Variants in ARK2C observed in about 807,000 individuals in gnomAD.
ARK2C encodes arkadia (RNF111) C-terminal like ring finger ubiquitin ligase 2C.
the ARK2C span, chr18:46,335,836 A>T: frequency 1.0e-6 from 1 of 956,428 alleles, no homozygotes; most frequent in Non-Finnish European, 1.2e-6. Context: ...GTGTGATGAT[A>T]GAATGATGAC....
At chr18:46,399,793 C>T in the ARK2C span, among the ~76,000 whole-genome samples, 2 of 152,222 alleles carry the variant, frequency 1.3e-5, no homozygotes, top group Admixed American at 6.5e-5. Flanking sequence ...CTGTGCCATC[C>T]TCCTCCCCTC....
chr18:46,401,905 A>T, the ARK2C span, among the ~76,000 whole-genome samples: 1 of 152,198 alleles, frequency 6.6e-6, no homozygotes, highest in African/African-American at 2.4e-5. Flanking sequence ...TCTGCTTTAC[A>T]CAGTGGCGCT....
chr18:46,432,588 G>C, the ARK2C span, among the ~76,000 whole-genome samples: 1 of 152,262 alleles, frequency 6.6e-6, no homozygotes, highest in Admixed American at 6.5e-5. Context: ...TAATTCAAAA[G>C]GCCAAGCTTT....
At chr18:46,355,952 C>T in the ARK2C span, among the ~76,000 whole-genome samples, 18 of 152,114 alleles carry the variant, frequency 1.2e-4, no homozygotes, top group African/African-American at 1.7e-4. Flanking sequence ...CTGTAGTGGG[C>T]GGAGGCATGG....
chr18:46,372,528 C>G, the ARK2C span, among the ~76,000 whole-genome samples: 1 of 152,194 alleles, frequency 6.6e-6, no homozygotes, highest in East Asian at 1.9e-4. Flanking sequence ...TCCAGCTCAC[C>G]CCACATTCTA....
At chr18:46,447,571 G>C in the ARK2C span, 7 of 1,613,952 alleles carry the variant, frequency 4.3e-6, no homozygotes, top group African/African-American at 9.3e-5. Context: ...AGGGATCTCA[G>C]TGTGGATGCT....
At chr18:46,336,095 G>T in the ARK2C span, 133 of 985,096 alleles carry the variant, frequency 1.4e-4, no homozygotes, top group Non-Finnish European at 1.6e-4. Flanking sequence ...GGCTGGATGC[G>T]ATCTCCTTGA....
At chr18:46,334,316 T>G in the ARK2C span, 3 of 1,586,174 alleles carry the variant, frequency 1.9e-6, no homozygotes, top group Non-Finnish European at 2.6e-6. The surrounding 1 kb of genome is among the most constrained non-coding windows in gnomAD (Gnocchi z 4.4). Flanking sequence ...TTCCAGTGTT[T>G]GGCTCTGTGC....
the ARK2C span, among the ~76,000 whole-genome samples, chr18:46,417,622 C>T: frequency 6.6e-6 from 1 of 152,250 alleles, no homozygotes; most frequent in Admixed American, 6.5e-5. Flanking sequence ...CTTCCTGCTT[C>T]ATTTTTTCCA....
At chr18:46,351,130 A>G in the ARK2C span, among the ~76,000 whole-genome samples, 1 of 152,190 alleles carries the variant, frequency 6.6e-6, no homozygotes, top group Admixed American at 6.5e-5. Context: ...GGGATGCACA[A>G]TCTTCTTTGC....
the ARK2C span, among the ~76,000 whole-genome samples, chr18:46,411,981 C>T: frequency 8.5e-5 from 13 of 152,202 alleles, no homozygotes; most frequent in Admixed American, 6.5e-5. Context: ...CTAAAAGCCT[C>T]TTGTCAGCAG....
chr18:46,438,078 A>G, the ARK2C span, among the ~76,000 whole-genome samples: 1 of 152,258 alleles, frequency 6.6e-6, no homozygotes, highest in East Asian at 1.9e-4. Context: ...CAAGAACATT[A>G]AAAGTGGAAA....
the ARK2C span, among the ~76,000 whole-genome samples, chr18:46,435,756 G>C: frequency 1.3e-5 from 2 of 152,180 alleles, no homozygotes; most frequent in African/African-American, 2.4e-5. Context: ...CGAGGAACTG[G>C]GTTGTCAGGA....
chr18:46,411,654 G>A, the ARK2C span, among the ~76,000 whole-genome samples: 1 of 152,236 alleles, frequency 6.6e-6, no homozygotes, highest in Non-Finnish European at 1.5e-5. Flanking sequence ...AGGGGCACTT[G>A]GATCTTAGTT....
At chr18:46,455,661 AC>A in the ARK2C span, among the ~76,000 whole-genome samples, 2 of 152,018 alleles carry the variant, frequency 1.3e-5, no homozygotes, top group African/African-American at 4.8e-5. Context: ...ACATGGTGAA[AC>A]CCTGTCTCTA....
the ARK2C span, among the ~76,000 whole-genome samples, chr18:46,380,684 A>T: frequency 1.3e-5 from 2 of 151,874 alleles, no homozygotes; most frequent in Non-Finnish European, 2.9e-5. Context: ...GAGGTCTCCA[A>T]CCCCCAGTAT....
the ARK2C span, chr18:46,450,505 G>A: frequency 1.1e-6 from 1 of 931,664 alleles, no homozygotes; most frequent in African/African-American, 1.6e-5. Context: ...TGGGTGTCAG[G>A]AAGCTTCAGG....
At chr18:46,365,428 T>A in the ARK2C span, among the ~76,000 whole-genome samples, 3 of 152,238 alleles carry the variant, frequency 2.0e-5, no homozygotes, top group African/African-American at 7.2e-5. Flanking sequence ...TTCACAAGAA[T>A]CTGGCTCTTG....
chr18:46,350,135 A>G, the ARK2C span, among the ~76,000 whole-genome samples: 1 of 152,230 alleles, frequency 6.6e-6, no homozygotes, highest in Non-Finnish European at 1.5e-5. Context: ...TCCAGAAGGT[A>G]CTGCCTTCCC....
Sources: gnomAD v4.1 joint callset for allele counts (sites outside exome capture counted in the v4.1 genomes callset) on GRCh38, gnomAD v4.1.1 for gene constraint, Gnocchi (gnomAD v3.1) non-coding constraint, MANE v1.5 for transcripts, NCBI Gene and HGNC (gene_info 2026-07-23, HGNC 2026-07-21) for gene names.